The following DYNC2H1 variants were observed in gnomAD, a reference collection of about 807,000 sequenced individuals.
The protein encoded by DYNC2H1 is dynein cytoplasmic 2 heavy chain 1.
DYNC2H1 carries 410 observed loss-of-function variants against 570.0 expected under a neutral mutation model. The observed-to-expected ratio is 0.72, with a 90% confidence interval of 0.66 to 0.78. The LOEUF is 0.78. Ranked by LOEUF, DYNC2H1 falls within the 30% of genes least tolerant of loss-of-function variation. The pLI, the probability that DYNC2H1 is intolerant of heterozygous loss-of-function variation, is 0.00. For synonymous variants in DYNC2H1, 1,688 were observed against 1,677.6 expected, an observed-to-expected ratio of 1.01 and a Z score of -0.15; for missense variants, 4,865 against 5,046.4, an observed-to-expected ratio of 0.96 and a Z score of 1.09.
At chr11:103,214,764 A>G (rs7927360) in intron 54 of DYNC2H1, among the ~76,000 whole-genome samples, 5,676 of 148,126 alleles carry the variant, frequency 0.038, 362 homozygotes, top group African/African-American at 0.13. Flanking sequence ...AATACTTTTG[A>G]TCCATGAGCA....
chr11:103,312,938 T>C lies in DYNC2H1; in HGVS notation c.11649+905T>C, dbSNP rs372981173. 5.3e-5 allele frequency among the ~76,000 whole-genome samples: 8 copies of C among 152,138 alleles called. No homozygotes were observed. In the East Asian group the frequency reaches 7.7e-4, roughly 15 times the overall value. On this transcript the variant is annotated intron_variant, in intron 79 of 88. Coordinates refer to ENST00000375735, the MANE Select transcript of DYNC2H1 (RefSeq NM_001377.3). The stretch of plus-strand genomic sequence containing the variant: ...TTTCTTAGCTTCCCTATCCAATCCA[T>C]CATCAAGTCTTGTTAATTCTACTTC...
chr11:103,189,895 G>A lies in DYNC2H1; in HGVS notation c.7437+79G>A. The A allele has an allele frequency of 1.4e-6, 2 of 1,396,912 alleles. No individual in the cohort carries two copies. The highest frequency in any genetic ancestry group is 9.6e-7 in the Non-Finnish European group (1 of 1,042,918). The allele number at this position is 1,396,912 out of a possible 1,614,324, so 86.5% of individuals were successfully genotyped here. A position where few individuals can be genotyped will look rare whatever the true frequency, so the allele number is the denominator to read the frequency against. On this transcript the variant is annotated intron_variant, in intron 45 of 88. Transcript: ENST00000375735. The surrounding 1 kb of genome is among the most constrained non-coding windows in gnomAD (Gnocchi z 4.3). ...GTCTACTTTTAATTCTGACCTCTGT[G>A]TTGACACCCAGGCTTTACTTTCCTG...
At chr11:103,425,373 G>C (rs7106177) in intron 84 of DYNC2H1, among the ~76,000 whole-genome samples, 1 of 151,972 alleles carries the variant, frequency 6.6e-6, no homozygotes, top group South Asian at 2.1e-4. Context: ...TCTGATGACG[G>C]CCGCCTTCCA....
chr11:103,370,621 CAGAG>C (rs1591641210), intron 83 of DYNC2H1, among the ~76,000 whole-genome samples: 1 of 152,186 alleles, frequency 6.6e-6, no homozygotes, highest in Admixed American at 6.5e-5. Context: ...TGACTCAGAA[CAGAG>C]AGAGGGTCCT....
Position 103,334,297 on chromosome 11 carries a change from A to G in DYNC2H1, c.12039+10307A>G, listed in dbSNP as rs146993202. Among the ~76,000 whole-genome samples, 171 of 152,328 alleles carry G rather than the reference A, an allele frequency of 1.1e-3. 3 individuals are homozygous for G. In the East Asian group the frequency reaches 0.031, roughly 27 times the overall value. On this transcript the variant is annotated intron_variant, in intron 82 of 88. Coordinates refer to ENST00000375735, the MANE Select transcript of DYNC2H1 (RefSeq NM_001377.3). The surrounding 1 kb of genome is among the most constrained non-coding windows in gnomAD (Gnocchi z 4.3). ...ATTGAGGATTCTACTGGTAAAGAAA[A>G]AAAGCAAGCAAGGATGGTGGGGTAA...
Position 103,199,264 on chromosome 11 carries a change from G to A in DYNC2H1, c.7876G>A (p.Asp2626Asn). The A allele has an allele frequency of 6.2e-7, 1 of 1,605,660 alleles. No homozygotes were observed. Residue 2626 changes from aspartate to asparagine, a missense_variant, in exon 49 of 89, where the codon GAC (aspartate) becomes AAC (asparagine). Physicochemically the swap from Asp to Asn is conservative, Grantham distance 23. Around this residue, in one of 5 missense-constraint regions of DYNC2H1, gnomAD observed 2,401 missense variants for 2,454.6 expected, o/e 0.98. Coordinates refer to ENST00000375735, the MANE Select transcript of DYNC2H1 (RefSeq NM_001377.3). The surrounding 1 kb of genome is among the most constrained non-coding windows in gnomAD (Gnocchi z 4.6). Reference sequence around the variant, plus strand: ...TTATGGACGAGATAACCAGAATTTAGACATTTTACTTTTCCACGAAGTCTT... The same window carrying A: ...TTATGGACGAGATAACCAGAATTTAAACATTTTACTTTTCCACGAAGTCTT... Reference protein sequence around the residue: ...IHYGRDNQNLDILLFHEVLEY... With the variant: ...IHYGRDNQNLNILLFHEVLEY...
At chr11:103,388,870 A>T (rs962461818) in intron 83 of DYNC2H1, among the ~76,000 whole-genome samples, 1 of 152,180 alleles carries the variant, frequency 6.6e-6, no homozygotes, top group Non-Finnish European at 1.5e-5. Flanking sequence ...ATCATGGTGG[A>T]TAAGATTTTT....
At position 103,179,084 on chromosome 11, in the gene DYNC2H1, G is replaced by A. The variant is rs770224486; in HGVS notation, c.6198G>A (p.Leu2066=). The change falls in exon 39 of 89, where the codon CTG becomes CTA. Residue 2066 remains leucine (L), a synonymous_variant. Coordinates refer to ENST00000375735, the MANE Select transcript of DYNC2H1 (RefSeq NM_001377.3). ...TTGACCCTGAATGGATAGAATCTCTGAATTCTGTTCTGGATGATAATCGAC... is the reference window on the plus strand; with the variant it reads ...TTGACCCTGAATGGATAGAATCTCTAAATTCTGTTCTGGATGATAATCGAC... ...GDIDPEWIES[L]NSVLDDNRLL... is the part of the protein sequence containing the mutation. 23 of 1,612,550 alleles carry A rather than the reference G, an allele frequency of 1.4e-5. No individual in the cohort carries two copies. Among genetic ancestry groups the A allele is most frequent in the Non-Finnish European group, 1.8e-5 (21 of 1,179,060 alleles).
Position 103,170,777 on chromosome 11 carries a change from C to T in DYNC2H1, c.5152-109C>T, listed in dbSNP as rs1861534854. ...CGTATTTTAAAATGAGCAAAAGAGG[C>T]ATAGATGGGATAAATTATCACCTTA... On this transcript the variant is annotated intron_variant, in intron 33 of 88. Transcript: ENST00000375735. The surrounding 1 kb of genome is among the most constrained non-coding windows in gnomAD (Gnocchi z 4.8). The T allele has an allele frequency of 1.2e-5, 12 of 1,042,518 alleles. No individual in the cohort carries two copies. Among genetic ancestry groups the T allele is most frequent in the Non-Finnish European group, 1.5e-5 (12 of 783,600 alleles). 64.6% of individuals were successfully genotyped at this position (1,042,518 alleles called of 1,614,324 possible).
At chr11:103,149,203 A>G (rs1445587828) in intron 20 of DYNC2H1, among the ~76,000 whole-genome samples, 1 of 152,248 alleles carries the variant, frequency 6.6e-6, no homozygotes. Flanking sequence ...TAAATAATTC[A>G]TACTATTACC....
intron 70 of DYNC2H1, among the ~76,000 whole-genome samples, chr11:103,272,117 T>C (rs913845280): frequency 1.3e-5 from 2 of 152,232 alleles, no homozygotes; most frequent in East Asian, 1.9e-4. Context: ...TAAAGACACA[T>C]GCACACATAT....
chr11:103,174,167 A>G lies in DYNC2H1; in HGVS notation c.5671A>G (p.Asn1891Asp), dbSNP rs1861697506. The change falls in exon 36 of 89, where the codon AAT becomes GAT. Residue 1891 changes from asparagine to aspartate, a missense_variant. Transcript: ENST00000375735. ...RQLNKSGTTQ[N>D]ANESHIVVQA... The stretch of plus-strand genomic sequence containing the variant: ...GCTAAACAAAAGTGGCACTACACAG[A>G]ATGGTATGATTGATTATTCCAAATA... 1.9e-6 allele frequency: 3 copies of G among 1,563,352 alleles called. No individual in the cohort carries two copies. The highest frequency in any genetic ancestry group is 2.6e-6 in the Non-Finnish European group (3 of 1,150,770).
At chr11:103,266,109 G>A (rs185602817) in intron 70 of DYNC2H1, among the ~76,000 whole-genome samples, 2 of 152,278 alleles carry the variant, frequency 1.3e-5, no homozygotes, top group Admixed American at 6.5e-5. Context: ...CTCTGTGACC[G>A]CTGGTCACTA....
At chr11:103,375,833 G>A (rs529326166) in intron 83 of DYNC2H1, among the ~76,000 whole-genome samples, 2 of 152,246 alleles carry the variant, frequency 1.3e-5, no homozygotes, top group South Asian at 4.2e-4. Flanking sequence ...TTGGACTTTT[G>A]GGTAGTGCTG....
intron 82 of DYNC2H1, among the ~76,000 whole-genome samples, chr11:103,348,661 T>C (rs1315501543): frequency 1.3e-5 from 2 of 152,166 alleles, no homozygotes; most frequent in African/African-American, 4.8e-5. Flanking sequence ...TAGTATTCCA[T>C]TTTATGAATA....
chr11:103,347,430 T>G (rs1939797455), intron 82 of DYNC2H1, among the ~76,000 whole-genome samples: 1 of 152,128 alleles, frequency 6.6e-6, no homozygotes, highest in Non-Finnish European at 1.5e-5. Flanking sequence ...TTATATCATT[T>G]TTTTTTTCTT....
At position 103,321,243 on chromosome 11, in the gene DYNC2H1, T is replaced by A. The variant is rs1322011921; in HGVS notation, c.11934+6T>A. ...CACAATCCTGCAGCATTTTGGTAGG[T>A]AAAATGAATGATTTTCAATCTATTT... On this transcript the variant is annotated splice_donor_region_variant and intron_variant, in intron 81 of 88. Transcript: ENST00000375735. 1 of 1,597,088 alleles carries A rather than the reference T, an allele frequency of 6.3e-7. No individual in the cohort carries two copies. Among genetic ancestry groups the A allele is most frequent in the East Asian group, 2.2e-5 (1 of 44,538 alleles).
rs1159326403 is a variant in DYNC2H1, at chr11:103,181,468, T to G, written c.6348-289T>G. Among the ~76,000 whole-genome samples the G allele has an allele frequency of 6.6e-6, 1 of 151,422 alleles. No individual in the cohort carries two copies. The highest frequency in any genetic ancestry group is 1.5e-5 in the Non-Finnish European group (1 of 67,588). On this transcript the variant is annotated intron_variant, in intron 39 of 88. Transcript: ENST00000375735. This position sits in a 1 kb window ranked among gnomAD's most constrained non-coding sequence, Gnocchi z 5.0. ...TGTAGATATATAATTCTCGTTTAGT[T>G]TATATTTATAATAAAATAGATGAAA...
intron 82 of DYNC2H1, among the ~76,000 whole-genome samples, chr11:103,332,312 G>GGA (rs1470288355): frequency 1.6e-5 from 2 of 122,544 alleles, no homozygotes; most frequent in African/African-American, 3.0e-5. Context: ...AAAAAACTGG[G>GGA]AAAAAAAAAA....
Sources: gnomAD v4.1 joint callset for allele counts (sites outside exome capture counted in the v4.1 genomes callset) on GRCh38, gnomAD v4.1.1 for gene constraint, gnomAD v4.1.1 regional missense constraint, Gnocchi (gnomAD v3.1) non-coding constraint, MANE v1.5 for transcripts, NCBI Gene and HGNC (gene_info 2026-07-23, HGNC 2026-07-21) for gene names.